PLA2R1: variants seen among roughly 807,000 people sequenced by gnomAD.
PLA2R1 encodes phospholipase A2 receptor 1.
In PLA2R1, 158 loss-of-function variants were observed where a neutral mutation model predicts 195.9. That is an observed-to-expected ratio of 0.81 (90% CI 0.71 to 0.92). The LOEUF (loss-of-function observed/expected upper bound fraction) is 0.92, where lower values mean the gene tolerates loss of function less well. PLA2R1 is among the 40% of genes least tolerant of loss of function. The pLI is 0.00. For synonymous variants in PLA2R1, 586 were observed against 598.2 expected (o/e 0.98, Z 0.30); for missense variants, 1,626 against 1,764.6 (o/e 0.92, Z 1.41).
In PLA2R1 at chr2:160,044,958, T is replaced by C; in HGVS notation, c.309A>G (p.Leu103=). Residue 103 remains leucine, a synonymous_variant, in exon 2 of 30, where the codon TTA becomes TTG. Coordinates refer to ENST00000283243, the MANE Select transcript of PLA2R1 (RefSeq NM_007366.5). The part of the protein sequence containing the change: ...NFSAPEQPLS[L]YECDSTLVSL... ...AAACGAGGGTGGAGTCACATTCATA[T>C]AAGCTTAATGGCTGCTCTGGGGCGG... 3 of 1,614,150 alleles carry C rather than the reference T, an allele frequency of 1.9e-6. No individual in the cohort carries two copies. Among genetic ancestry groups the C allele is most frequent in the African/African-American group, 1.3e-5 (1 of 75,036 alleles).
At chr2:160,024,986 C>T (rs1426775101) in intron 6 of PLA2R1, among the ~76,000 whole-genome samples, 1 of 152,170 alleles carries the variant, frequency 6.6e-6, no homozygotes, top group East Asian at 1.9e-4. Flanking sequence ...TCCGGAGTCA[C>T]CACTGCCTGG....
chr2:159,927,149 A>G (rs1380669310), downstream of PLA2R1, among the ~76,000 whole-genome samples: 1 of 152,186 alleles, frequency 6.6e-6, no homozygotes, highest in Non-Finnish European at 1.5e-5. Flanking sequence ...GGAGGGAGGA[A>G]GGGTAAATAA....
intron 4 of PLA2R1, among the ~76,000 whole-genome samples, chr2:160,032,355 A>C (rs1693907214): frequency 6.6e-6 from 1 of 152,252 alleles, no homozygotes; most frequent in Non-Finnish European, 1.5e-5. Context: ...GTGAATGTAC[A>C]CACATACAAA....
chr2:160,032,160 G>T (rs1196926808), intron 4 of PLA2R1, among the ~76,000 whole-genome samples: 1 of 152,182 alleles, frequency 6.6e-6, no homozygotes, highest in African/African-American at 2.4e-5. Flanking sequence ...GTTGTCTCTG[G>T]ATTACAGAAC....
intron 1 of PLA2R1, among the ~76,000 whole-genome samples, chr2:160,059,119 A>G (rs938233324): frequency 6.6e-6 from 1 of 152,138 alleles, no homozygotes; most frequent in East Asian, 1.9e-4. Context: ...TGCTCCTTTG[A>G]GAATCTAATG....
At chr2:159,953,027 A>G (rs991040448) in intron 23 of PLA2R1, among the ~76,000 whole-genome samples, 1 of 152,216 alleles carries the variant, frequency 6.6e-6, no homozygotes, top group Non-Finnish European at 1.5e-5. Context: ...TCAAAATAAT[A>G]TCAAAGTAGC....
chr2:159,951,904 A>G (rs1351194624), intron 23 of PLA2R1, among the ~76,000 whole-genome samples: 1 of 152,196 alleles, frequency 6.6e-6, no homozygotes, highest in African/African-American at 2.4e-5. Context: ...GTTTCACTCC[A>G]CTAACTACAC....
intron 6 of PLA2R1, 115 bp from the exon 7 acceptor site, chr2:160,022,974 T>C (rs1573916388): frequency 1.4e-6 from 1 of 696,206 alleles, no homozygotes; most frequent in Non-Finnish European, 2.4e-6. Flanking sequence ...AAAACAGAAA[T>C]ATACAAAATG....
rs139498518 is a variant in PLA2R1 at position 159,985,990 on chromosome 2, C to T, written c.2037+1166G>A. On this transcript the variant is annotated intron_variant, in intron 12 of 29. Transcript: ENST00000283243. ...AGGTGGCACCTGGGATATAAAACCC[C>T]GAGAGAAGCGCTTTGGGGAGCCCTC... Among the ~76,000 whole-genome samples the T allele has an allele frequency of 4.6e-3, 696 of 152,136 alleles. 2 individuals carry two copies. Among genetic ancestry groups the T allele is most frequent in the Non-Finnish European group, 7.5e-3 (507 of 67,992 alleles).
chr2:160,016,655 C>CA lies in PLA2R1; in HGVS notation c.1509_1510insT (p.Ala504CysfsTer7), dbSNP rs770084355. ...TCAGCATCAGAGAGGACATGGCCTG[C>CA]TTTTTTACAAATGTAAAAAAGTCTT... On this transcript the variant is annotated frameshift_variant, in exon 9 of 30. Coordinates refer to ENST00000283243, the MANE Select transcript of PLA2R1 (RefSeq NM_007366.5). LOFTEE classifies it high-confidence loss of function. The CA allele has an allele frequency of 1.2e-6, 2 of 1,610,638 alleles. No homozygotes were observed. Among genetic ancestry groups the CA allele is most frequent in the Non-Finnish European group, 1.7e-6 (2 of 1,176,880 alleles).
At chr2:159,963,977 A>C (rs184988934) in intron 20 of PLA2R1, among the ~76,000 whole-genome samples, 22 of 152,304 alleles carry the variant, frequency 1.4e-4, no homozygotes, top group Admixed American at 3.3e-4. Flanking sequence ...AAACAACCCA[A>C]GTGCGCATCA....
chr2:159,969,368 A>T lies in PLA2R1; in HGVS notation c.2661-9T>A. The T allele has an allele frequency of 6.6e-7, 1 of 1,508,376 alleles. No individual in the cohort carries two copies. The highest frequency in any genetic ancestry group is 1.1e-5 in the South Asian group (1 of 87,798). 93.4% of individuals were successfully genotyped at this position (1,508,376 alleles called of 1,614,324 possible). A position where few individuals can be genotyped will look rare whatever the true frequency, so the allele number is the denominator to read the frequency against. On this transcript the variant is annotated splice_polypyrimidine_tract_variant and intron_variant, in intron 18 of 29. Coordinates refer to ENST00000283243, the MANE Select transcript of PLA2R1 (RefSeq NM_007366.5). ...GTGTTCCATCTCTCCAGCTGTGGGA[A>T]GATTAAAAATGTTAAGGTCTTCTCT...
At chr2:160,045,400 C>A (rs1021858458) in intron 1 of PLA2R1, among the ~76,000 whole-genome samples, 2 of 152,078 alleles carry the variant, frequency 1.3e-5, no homozygotes, top group African/African-American at 4.8e-5. Context: ...ACCTAATTGG[C>A]CATATGGGAA....
chr2:159,929,991 C>T (rs531461839), downstream of PLA2R1, among the ~76,000 whole-genome samples: 1 of 151,922 alleles, frequency 6.6e-6, no homozygotes, highest in Non-Finnish European at 1.5e-5. Flanking sequence ...GAATGGAAAA[C>T]CAAACGTCGT....
chr2:160,053,386 A>G (rs1695339022), intron 1 of PLA2R1, among the ~76,000 whole-genome samples: 1 of 150,806 alleles, frequency 6.6e-6, no homozygotes, highest in African/African-American at 2.4e-5. Context: ...AACCATCCCT[A>G]TCATTCTTAT....
rs199671684 is a variant in PLA2R1, at chr2:160,005,692, G to C, written c.1794C>G (p.Pro598=). ...EYTWKPVGQK[P]EPVQYTHWNT... Reference sequence around the variant, plus strand: ...TCCAGTGTGTGTACTGCACCGGCTCGGGTTTCTGCCCTACTGGCTTCCAAG... The same window carrying C: ...TCCAGTGTGTGTACTGCACCGGCTCCGGTTTCTGCCCTACTGGCTTCCAAG... The change falls in exon 11 of 30, where the codon CCC becomes CCG. Residue 598 remains proline, a synonymous_variant. Transcript: ENST00000283243. 6.2e-7 allele frequency: 1 copy of C among 1,613,912 alleles called. No individual in the cohort carries two copies. Among genetic ancestry groups the C allele is most frequent in the Non-Finnish European group, 8.5e-7 (1 of 1,179,936 alleles).
At position 159,955,895 on chromosome 2, in the gene PLA2R1, A is replaced by G. The variant is rs1688056087; in HGVS notation, c.3023-67T>C. The G allele has an allele frequency of 3.4e-6, 3 of 873,384 alleles. No homozygotes were observed. The Admixed American group carries it at 7.4e-5, about 21-fold the overall frequency. 54.1% of individuals were successfully genotyped at this position (873,384 alleles called of 1,614,324 possible). On this transcript the variant is annotated intron_variant, in intron 21 of 29. Coordinates refer to ENST00000283243, the MANE Select transcript of PLA2R1 (RefSeq NM_007366.5). The stretch of plus-strand genomic sequence containing the variant: ...AGCATTTGGGTAATCACTGCATCCT[A>G]TTTATAGCTATGATTATATTTAAAT...
intron 11 of PLA2R1, among the ~76,000 whole-genome samples, chr2:160,003,844 C>A (rs1291289715): frequency 6.6e-6 from 1 of 152,180 alleles, no homozygotes; most frequent in East Asian, 1.9e-4. Flanking sequence ...TCAACAGGGT[C>A]ATGGCAAAGC....
chr2:160,038,316 G>C (rs1181464074), intron 3 of PLA2R1, among the ~76,000 whole-genome samples: 1 of 152,240 alleles, frequency 6.6e-6, no homozygotes, highest in Non-Finnish European at 1.5e-5. Flanking sequence ...CTAGAAGTTT[G>C]TTAAAACACA....
Sources: allele counts gnomAD v4.1 joint callset (sites outside exome capture counted in the v4.1 genomes callset), GRCh38; gene constraint gnomAD v4.1.1; transcripts MANE v1.5; gene names NCBI Gene and HGNC (gene_info 2026-07-23, HGNC 2026-07-21).